Variants in THSD7A observed in about 807,000 individuals in gnomAD.
THSD7A encodes the protein thrombospondin type 1 domain containing 7A, also known as thrombospondin type-1 domain-containing protein 7A.
THSD7A carries 96 observed loss-of-function variants against 231.3 expected under a neutral mutation model. That is an observed-to-expected ratio of 0.41 (90% CI 0.35 to 0.49). The LOEUF is 0.49. THSD7A is among the 20% of genes least tolerant of loss of function. THSD7A has a pLI of 0.05. For synonymous variants in THSD7A, 940 were observed against 743.3 expected, an observed-to-expected ratio of 1.26 and a Z score of -4.30; for missense variants, 2,290 against 2,070.2, an observed-to-expected ratio of 1.11 and a Z score of -2.06.
chr7:11,525,684 T>G (rs1349070419), intron 6 of THSD7A, among the ~76,000 whole-genome samples: 3 of 152,188 alleles, frequency 2.0e-5, no homozygotes, highest in African/African-American at 7.2e-5. Flanking sequence ...AAAGATATTC[T>G]TACCTACATG....
chr7:11,725,777 G>A (rs1049739219), intron 1 of THSD7A, among the ~76,000 whole-genome samples: 2 of 151,716 alleles, frequency 1.3e-5, no homozygotes, highest in African/African-American at 4.8e-5. Context: ...CAGATCTCTA[G>A]CTTTCCCTGA....
intron 1 of THSD7A, among the ~76,000 whole-genome samples, chr7:11,743,164 C>G (rs1468128218): frequency 6.6e-6 from 1 of 151,852 alleles, no homozygotes; most frequent in Non-Finnish European, 1.5e-5. Context: ...CGAACACATA[C>G]AATTATTTTA....
chr7:11,807,291 T>G (rs991627691), intron 1 of THSD7A, among the ~76,000 whole-genome samples: 1 of 152,112 alleles, frequency 6.6e-6, no homozygotes, highest in African/African-American at 2.4e-5. Flanking sequence ...ATGATCAAGG[T>G]GGAAATTTAT....
chr7:11,403,323 A>G (rs923236340), intron 22 of THSD7A, among the ~76,000 whole-genome samples: 1 of 152,226 alleles, frequency 6.6e-6, no homozygotes, highest in African/African-American at 2.4e-5. Flanking sequence ...ACTAACATAT[A>G]TATACGTAAT....
chr7:11,507,723 G>C (rs1583870542), intron 6 of THSD7A, among the ~76,000 whole-genome samples: 2 of 151,080 alleles, frequency 1.3e-5, no homozygotes, highest in South Asian at 4.2e-4. Flanking sequence ...CATGTTTTCT[G>C]TTTATATATA....
intron 4 of THSD7A, among the ~76,000 whole-genome samples, chr7:11,564,362 C>T (rs905944062): frequency 2.6e-5 from 4 of 152,204 alleles, no homozygotes; most frequent in Non-Finnish European, 5.9e-5. Flanking sequence ...ACATAAAGGA[C>T]TGAGCCCACC....
In THSD7A at chr7:11,385,979, T is replaced by A. The variant is rs561441875; in HGVS notation, c.4412-3363A>T. Among the ~76,000 whole-genome samples the A allele has an allele frequency of 5.3e-5, 8 of 152,324 alleles. No homozygotes were observed. In the South Asian group the frequency reaches 1.7e-3, roughly 32 times the overall value. ...AACATGTGTGGTGTTTGGTTTTCTG[T>A]TCTTGTGACAGTTTGCTAAGAATGA... On this transcript the variant is annotated intron_variant, in intron 23 of 27. Coordinates refer to ENST00000423059, the MANE Select transcript of THSD7A (RefSeq NM_015204.3).
intron 1 of THSD7A, among the ~76,000 whole-genome samples, chr7:11,723,652 TC>T (rs1781439951): frequency 1.3e-5 from 2 of 151,910 alleles, no homozygotes; most frequent in African/African-American, 4.8e-5. Context: ...CAGTTGGTTC[TC>T]CTTTGCTTGA....
chr7:11,756,428 C>T (rs1583262393), intron 1 of THSD7A, among the ~76,000 whole-genome samples: 1 of 151,946 alleles, frequency 6.6e-6, no homozygotes, highest in African/African-American at 2.4e-5. Context: ...TGGGGAGTAA[C>T]TGAAATATCT....
At chr7:11,503,924 A>C (rs759494738) in intron 6 of THSD7A, among the ~76,000 whole-genome samples, 44 of 152,342 alleles carry the variant, frequency 2.9e-4, no homozygotes, top group Middle Eastern at 3.4e-3. Context: ...AGCTAAAAGC[A>C]GAAGTACCAT....
At chr7:11,476,590 G>T (rs1237266170) in intron 7 of THSD7A, among the ~76,000 whole-genome samples, 1 of 152,088 alleles carries the variant, frequency 6.6e-6, no homozygotes, top group African/African-American at 2.4e-5. Flanking sequence ...GCCAAGGTGG[G>T]CAGATTGCCT....
intron 1 of THSD7A, among the ~76,000 whole-genome samples, chr7:11,782,181 C>A (rs556469788): frequency 6.6e-6 from 1 of 152,276 alleles, no homozygotes; most frequent in Non-Finnish European, 1.5e-5. Flanking sequence ...CCCATCTGTT[C>A]TGCAGCACTT....
intron 6 of THSD7A, among the ~76,000 whole-genome samples, chr7:11,510,625 C>T (rs527826614): frequency 2.2e-4 from 34 of 152,226 alleles, no homozygotes; most frequent in Admixed American, 6.5e-4. Flanking sequence ...TCAACATACA[C>T]GAATCAATAA....
Position 11,444,783 on chromosome 7 carries a change from C to CTG in THSD7A, c.3064+1276_3064+1277dup, listed in dbSNP as rs34985878. ...AAGAGAGGGGGCACAGTTGTCTGCT[C>CTG]TGTGTGTGTGTGTGTGTGTGTGTGT... is the stretch of plus-strand genomic sequence containing the variant. On this transcript the variant is annotated intron_variant, in intron 13 of 27. Transcript: ENST00000423059. This position sits in a 1 kb window ranked among gnomAD's most constrained non-coding sequence, Gnocchi z 4.2. Among the ~76,000 whole-genome samples the CTG allele has an allele frequency of 0.21, 30,012 of 144,418 alleles. 4,489 individuals are homozygous for CTG. The highest frequency in any genetic ancestry group is 0.43 in the African/African-American group (17,173 of 39,612). 94.7% of individuals were successfully genotyped at this position (144,418 alleles called of 152,430 possible).
intron 1 of THSD7A, among the ~76,000 whole-genome samples, chr7:11,701,263 C>T (rs1562487159): frequency 6.6e-6 from 1 of 151,052 alleles, no homozygotes; most frequent in East Asian, 2.0e-4. Flanking sequence ...ATTATCAGAG[C>T]TTTTATATAC....
In THSD7A at chr7:11,521,091, G is replaced by A. The variant is rs773605187; in HGVS notation, c.1822+20328C>T. Among the ~76,000 whole-genome samples, 33 of 152,090 alleles carry A rather than the reference G, an allele frequency of 2.2e-4. 1 individual carries two copies. Among genetic ancestry groups the A allele is most frequent in the Admixed American group, 6.6e-5 (1 of 15,252 alleles). On this transcript the variant is annotated intron_variant, in intron 6 of 27. Transcript: ENST00000423059. ...AGAATTTTAAAAACATCACCAATCA[G>A]CCTGATTTAAGGAACATAGTGATCA...
chr7:11,700,411 T>A (rs1780549839), intron 1 of THSD7A, among the ~76,000 whole-genome samples: 1 of 151,140 alleles, frequency 6.6e-6, no homozygotes, highest in Non-Finnish European at 1.5e-5. Context: ...TATTTTTCCC[T>A]CCTAAAAATA....
In THSD7A at chr7:11,376,674, T is replaced by G. The variant is rs1190056255; in HGVS notation, c.4802-17A>C. The G allele has an allele frequency of 6.5e-7, 1 of 1,545,994 alleles. No homozygotes were observed. Among genetic ancestry groups the G allele is most frequent in the Admixed American group, 1.9e-5 (1 of 52,384 alleles). On this transcript the variant is annotated splice_polypyrimidine_tract_variant and intron_variant, in intron 26 of 27. Coordinates refer to ENST00000423059, the MANE Select transcript of THSD7A (RefSeq NM_015204.3). The stretch of plus-strand genomic sequence containing the variant: ...GTCTCCCATCTAAGAAGAATGGATA[T>G]TAGTTATTAATTTACATTAGTCTGG...
chr7:11,612,409 G>A (rs1214533615), intron 2 of THSD7A, among the ~76,000 whole-genome samples: 1 of 152,182 alleles, frequency 6.6e-6, no homozygotes, highest in Non-Finnish European at 1.5e-5. Flanking sequence ...AAGAAGTCAT[G>A]TCACACATCC....
Sources: allele counts gnomAD v4.1 joint callset (sites outside exome capture counted in the v4.1 genomes callset), GRCh38; gene constraint gnomAD v4.1.1; non-coding constraint Gnocchi (gnomAD v3.1); transcripts MANE v1.5; gene names NCBI Gene and HGNC (gene_info 2026-07-23, HGNC 2026-07-21).